Variants in EHBP1 observed in about 807,000 individuals in gnomAD.
EHBP1 encodes the protein EH domain-binding protein 1.
In EHBP1, 55 loss-of-function variants were observed where a neutral mutation model predicts 144.0. The observed-to-expected ratio is 0.38, with a 90% CI of 0.31 to 0.48. The LOEUF is 0.48. EHBP1 is among the 20% of genes least tolerant of loss of function. The pLI, the probability that EHBP1 is intolerant of heterozygous loss-of-function variation, is 0.98. For missense variants in EHBP1, 1,200 were observed against 1,364.2 expected, an observed-to-expected ratio of 0.88 and a Z score of 1.90; for synonymous variants, 469 against 472.7, an observed-to-expected ratio of 0.99 and a Z score of 0.10.
intron 3 of EHBP1, among the ~76,000 whole-genome samples, chr2:62,749,636 C>T (rs906113256): frequency 3.3e-5 from 5 of 152,242 alleles, no homozygotes; most frequent in African/African-American, 1.2e-4. Context: ...TCCACATCCT[C>T]TCCAGCACCT....
chr2:62,785,580 G>A (rs1249806871), intron 5 of EHBP1, among the ~76,000 whole-genome samples: 2 of 152,186 alleles, frequency 1.3e-5, no homozygotes, highest in South Asian at 2.1e-4. Context: ...ATTGGTAGGA[G>A]TGGGTTGTGG....
intron 10 of EHBP1, among the ~76,000 whole-genome samples, chr2:62,935,173 C>G (rs2056281763): frequency 6.6e-6 from 1 of 151,432 alleles, no homozygotes; most frequent in African/African-American, 2.4e-5. Flanking sequence ...ACTAAAAATA[C>G]AAAAAATTAG....
chr2:62,744,319 T>A (rs1280960934), intron 2 of EHBP1, among the ~76,000 whole-genome samples: 1 of 152,116 alleles, frequency 6.6e-6, no homozygotes, highest in African/African-American at 2.4e-5. Flanking sequence ...GTTGTATAAT[T>A]GTAGGTTTAT....
intron 3 of EHBP1, among the ~76,000 whole-genome samples, chr2:62,749,791 G>A (rs1374102304): frequency 6.6e-6 from 1 of 152,190 alleles, no homozygotes; most frequent in Non-Finnish European, 1.5e-5. Flanking sequence ...CTTTTGAGAA[G>A]TGTCTGTTCA....
intron 7 of EHBP1, 65 bp from the exon 8 acceptor site, chr2:62,859,104 T>C (rs1330606423): frequency 6.9e-7 from 1 of 1,440,986 alleles, no homozygotes. Context: ...ATTTGAAATA[T>C]TTCACGAATG....
chr2:62,927,792 C>A (rs1358559820), intron 10 of EHBP1, among the ~76,000 whole-genome samples: 1 of 152,128 alleles, frequency 6.6e-6, no homozygotes, highest in East Asian at 1.9e-4. Flanking sequence ...AACTGCGCAA[C>A]AACAGAATGC....
intron 5 of EHBP1, among the ~76,000 whole-genome samples, chr2:62,795,281 T>C (rs953970220): frequency 3.9e-5 from 6 of 152,066 alleles, no homozygotes; most frequent in Non-Finnish European, 4.4e-5. Flanking sequence ...TGTGGTAGTC[T>C]CTTAATTGCT....
chr2:62,999,001 C>T (rs902116797), intron 19 of EHBP1, among the ~76,000 whole-genome samples: 14 of 151,968 alleles, frequency 9.2e-5, no homozygotes, highest in African/African-American at 3.4e-4. Context: ...CAGTTTATTC[C>T]AACTTTTTAT....
intron 13 of EHBP1, 121 bp downstream of exon 13, chr2:62,949,283 ACTC>A: frequency 1.1e-6 from 1 of 881,544 alleles, no homozygotes. Flanking sequence ...TATTATAAAA[ACTC>A]CTGAGGCATG....
chr2:62,981,903 G>T (rs116325375), intron 15 of EHBP1, among the ~76,000 whole-genome samples: 1 of 152,144 alleles, frequency 6.6e-6, no homozygotes, highest in African/African-American at 2.4e-5. Flanking sequence ...AGTGACCAGG[G>T]TCTATTTTCC....
At chr2:62,752,195 T>A (rs961056921) in intron 3 of EHBP1, among the ~76,000 whole-genome samples, 4 of 152,220 alleles carry the variant, frequency 2.6e-5, no homozygotes, top group Non-Finnish European at 5.9e-5. Flanking sequence ...TTTGTTCTCA[T>A]TGGTTTCAAA....
intron 2 of EHBP1, among the ~76,000 whole-genome samples, chr2:62,741,306 T>C (rs562721904): frequency 7.2e-4 from 109 of 152,288 alleles, no homozygotes; most frequent in African/African-American, 2.5e-3. Flanking sequence ...AGGGTGCTTC[T>C]TGTAACGCCT....
At chr2:62,750,599 T>C (rs573644103) in intron 3 of EHBP1, among the ~76,000 whole-genome samples, 1 of 152,370 alleles carries the variant, frequency 6.6e-6, no homozygotes, top group Admixed American at 6.5e-5. Flanking sequence ...ATGATATTCA[T>C]TATTCCTATC....
intron 10 of EHBP1, among the ~76,000 whole-genome samples, chr2:62,893,664 A>T (rs774903416): frequency 6.6e-6 from 1 of 152,214 alleles, no homozygotes; most frequent in African/African-American, 2.4e-5. Context: ...AATATTGATC[A>T]CTATATAAGT....
chr2:62,683,394 C>G (rs1057449056), intron 1 of EHBP1, among the ~76,000 whole-genome samples: 2 of 152,122 alleles, frequency 1.3e-5, no homozygotes, highest in African/African-American at 2.4e-5. Context: ...GGCGCGGTGT[C>G]TCCGCCTGTA....
intron 1 of EHBP1, among the ~76,000 whole-genome samples, chr2:62,693,573 A>G (rs2151749763): frequency 6.6e-6 from 1 of 152,270 alleles, no homozygotes; most frequent in South Asian, 2.1e-4. Flanking sequence ...AGGTCAAATC[A>G]GGGCAATTGG....
intron 13 of EHBP1, among the ~76,000 whole-genome samples, chr2:62,954,956 T>G (rs900037906): frequency 1.8e-4 from 28 of 152,260 alleles, no homozygotes; most frequent in African/African-American, 6.5e-4. Flanking sequence ...GAATACTTTT[T>G]CAATTCTAAT....
chr2:62,714,413 G>C (rs1362410044), intron 2 of EHBP1, among the ~76,000 whole-genome samples: 1 of 152,126 alleles, frequency 6.6e-6, no homozygotes, highest in Non-Finnish European at 1.5e-5. Flanking sequence ...CATTGTGCCA[G>C]TTTTCCAGCC....
At chr2:62,925,079 C>T (rs1041032770) in intron 10 of EHBP1, among the ~76,000 whole-genome samples, 1 of 152,168 alleles carries the variant, frequency 6.6e-6, no homozygotes, top group African/African-American at 2.4e-5. Context: ...AAATGTCATA[C>T]ATCACATCCA....
Sources: allele counts gnomAD v4.1 joint callset (sites outside exome capture counted in the v4.1 genomes callset), GRCh38; gene constraint gnomAD v4.1.1; transcripts MANE v1.5; gene names NCBI Gene and HGNC (gene_info 2026-07-23, HGNC 2026-07-21).